Variants in TSGA10 observed in about 807,000 individuals in gnomAD.
The protein encoded by TSGA10 is testis-specific gene 10 protein.
In TSGA10, 43 loss-of-function variants were observed where a neutral mutation model predicts 96.6. That is an observed-to-expected ratio of 0.44 (90% CI 0.35 to 0.57). TSGA10 has a LOEUF of 0.57. Ranked by LOEUF, TSGA10 falls within the 20% of genes least tolerant of loss-of-function variation. The pLI is 0.01. For synonymous variants in TSGA10, 229 were observed against 269.9 expected, an observed-to-expected ratio of 0.85 and a Z score of 1.48; for missense variants, 703 against 834.4, an observed-to-expected ratio of 0.84 and a Z score of 1.94.
chr2:99,153,287 C>G (rs1416826593), intron 1 of TSGA10, among the ~76,000 whole-genome samples: 1 of 152,102 alleles, frequency 6.6e-6, no homozygotes, highest in South Asian at 2.1e-4. Context: ...TTTTGGAGTA[C>G]GTTGAAACAA....
At chr2:99,109,832 C>T (rs2091653863) in intron 5 of TSGA10, among the ~76,000 whole-genome samples, 1 of 152,088 alleles carries the variant, frequency 6.6e-6, no homozygotes. Context: ...ACAGACCTAG[C>T]ACACATCCTA....
chr2:99,044,571 C>G (rs2082544195), intron 16 of TSGA10, among the ~76,000 whole-genome samples: 1 of 152,074 alleles, frequency 6.6e-6, no homozygotes, highest in Non-Finnish European at 1.5e-5. Context: ...TAGACTCCCA[C>G]ACAATAATAG....
At chr2:99,056,676 C>T (rs1005566259) in intron 16 of TSGA10, among the ~76,000 whole-genome samples, 4 of 151,958 alleles carry the variant, frequency 2.6e-5, no homozygotes, top group Admixed American at 6.6e-5. Context: ...AAATTCCATA[C>T]AAACTGTTTT....
chr2:99,057,490 T>C (rs2084144815), intron 16 of TSGA10, among the ~76,000 whole-genome samples: 1 of 152,140 alleles, frequency 6.6e-6, no homozygotes, highest in Non-Finnish European at 1.5e-5. Flanking sequence ...AAGAAAACAA[T>C]TCTATTTACA....
chr2:99,056,340 A>G (rs1209813117), intron 16 of TSGA10, among the ~76,000 whole-genome samples: 1 of 152,252 alleles, frequency 6.6e-6, no homozygotes, highest in African/African-American at 2.4e-5. Flanking sequence ...CAGAAATGAA[A>G]TAATGTAGTA....
At chr2:99,141,817 C>T (rs1187294001) in intron 1 of TSGA10, 1 of 152,520 alleles carries the variant, frequency 6.6e-6, no homozygotes, top group African/African-American at 2.4e-5. Context: ...GTTCGGTGAA[C>T]CGGTTACTCT....
chr2:99,149,468 A>T, intron 1 of TSGA10, among the ~76,000 whole-genome samples: 1 of 134,800 alleles, frequency 7.4e-6, no homozygotes, highest in Admixed American at 7.9e-5. Context: ...TTTAAGACGG[A>T]GTCTCGCTCT....
At chr2:99,004,126 A>T (rs770127343) in intron 20 of TSGA10, among the ~76,000 whole-genome samples, 2 of 152,236 alleles carry the variant, frequency 1.3e-5, no homozygotes, top group African/African-American at 2.4e-5. Flanking sequence ...ATCACCACTG[A>T]TCCCACGGAA....
At chr2:99,089,094 G>A (rs1004209478) in intron 10 of TSGA10, among the ~76,000 whole-genome samples, 8 of 152,174 alleles carry the variant, frequency 5.3e-5, no homozygotes, top group Non-Finnish European at 1.0e-4. Flanking sequence ...TGGGAAAGTG[G>A]GAAATGGGGA....
At chr2:99,020,865 T>C (rs2079940440) in intron 17 of TSGA10, among the ~76,000 whole-genome samples, 1 of 151,590 alleles carries the variant, frequency 6.6e-6, no homozygotes, top group South Asian at 2.1e-4. Context: ...GACTCCATAA[T>C]TAAGGAATAT....
intron 1 of TSGA10, chr2:99,142,379 C>T (rs1031238215): frequency 6.6e-6 from 1 of 152,206 alleles, no homozygotes; most frequent in Non-Finnish European, 1.5e-5. Context: ...TTTGAGGAGA[C>T]TAACAATTCC....
chr2:99,069,043 T>A (rs2085615152), intron 14 of TSGA10, 45 bp from the exon 15 acceptor site: 1 of 1,030,258 alleles, frequency 9.7e-7, no homozygotes, highest in Non-Finnish European at 1.4e-6. Context: ...AAATAAAAAA[T>A]TTCTATATCT....
intron 20 of TSGA10, among the ~76,000 whole-genome samples, chr2:99,010,890 C>T (rs552085153): frequency 6.6e-6 from 1 of 152,176 alleles, no homozygotes; most frequent in Non-Finnish European, 1.5e-5. Context: ...ACTGCAGGAG[C>T]GAGGCTGGCC....
chr2:99,034,025 A>G (rs2081374987), intron 17 of TSGA10, among the ~76,000 whole-genome samples: 1 of 152,042 alleles, frequency 6.6e-6, no homozygotes, highest in African/African-American at 2.4e-5. Context: ...ATCACAAAAG[A>G]CCCCTGAACT....
chr2:99,009,655 C>T (rs1047667293), intron 20 of TSGA10, among the ~76,000 whole-genome samples: 3 of 149,668 alleles, frequency 2.0e-5, no homozygotes, highest in African/African-American at 7.4e-5. Context: ...ATTGTAGATG[C>T]ATTCTGGGAT....
intron 15 of TSGA10, among the ~76,000 whole-genome samples, chr2:99,065,362 T>C (rs1240788763): frequency 6.6e-6 from 1 of 152,134 alleles, no homozygotes; most frequent in Non-Finnish European, 1.5e-5. Context: ...AATAGTAAAT[T>C]TAGGTAAATT....
intron 16 of TSGA10, among the ~76,000 whole-genome samples, chr2:99,057,090 C>G (rs2084088057): frequency 7.7e-6 from 1 of 129,206 alleles, no homozygotes; most frequent in South Asian, 2.4e-4. Flanking sequence ...TAAAGGTTTT[C>G]TATAAAAAAC....
chr2:99,117,856 C>T, intron 3 of TSGA10, 97 bp from the exon 4 acceptor site: 1 of 527,930 alleles, frequency 1.9e-6, no homozygotes, highest in Non-Finnish European at 2.4e-6. Context: ...GATTTGCTTC[C>T]CTGGCAAAGA....
At chr2:99,041,823 C>A (rs189246295) in intron 16 of TSGA10, among the ~76,000 whole-genome samples, 1 of 151,946 alleles carries the variant, frequency 6.6e-6, no homozygotes, top group African/African-American at 2.4e-5. Context: ...TAAATAGATG[C>A]GACTTAATTA....
Sources: allele counts gnomAD v4.1 joint callset (sites outside exome capture counted in the v4.1 genomes callset), GRCh38; gene constraint gnomAD v4.1.1; transcripts MANE v1.5; gene names NCBI Gene and HGNC (gene_info 2026-07-23, HGNC 2026-07-21).